Variants in CACNA1C observed in about 807,000 individuals in gnomAD.
CACNA1C encodes the protein voltage-dependent L-type calcium channel subunit alpha-1C.
A neutral mutation model predicts 229.0 loss-of-function variants in CACNA1C; 30 were observed. The observed-to-expected ratio is 0.13, with a 90% CI of 0.10 to 0.18. CACNA1C has a LOEUF of 0.18. Among genes scored for constraint, CACNA1C ranks in the 10% least tolerant of loss-of-function variants. The pLI, the probability that CACNA1C is intolerant of heterozygous loss-of-function variation, is 1.00. For synonymous variants in CACNA1C, 1,114 were observed against 1,132.5 expected, an observed-to-expected ratio of 0.98 and a Z score of 0.33; for missense variants, 1,658 against 2,845.0, an observed-to-expected ratio of 0.58 and a Z score of 9.49.
rs1594493042 is a variant in CACNA1C, at chr12:2,054,585, A to G, written c.49+974A>G. ...TTCTCCCTCACCGCTCTCCCCCCAT[A>G]TTAACAAGTTGTTTTCTTGGACGTT... On this transcript the variant is annotated intron_variant, in intron 1 of 46. Transcript: ENST00000399655. This position sits in a 1 kb window ranked among gnomAD's most constrained non-coding sequence, Gnocchi z 5.5. Among the ~76,000 whole-genome samples, 1 of 151,970 alleles carries G rather than the reference A, an allele frequency of 6.6e-6. No homozygotes were observed. The highest frequency in any genetic ancestry group is 1.5e-5 in the Non-Finnish European group (1 of 67,986).
intron 3 of CACNA1C, among the ~76,000 whole-genome samples, chr12:2,385,928 C>T (rs2098379246): frequency 6.6e-6 from 1 of 152,182 alleles, no homozygotes; most frequent in Non-Finnish European, 1.5e-5. Flanking sequence ...CCATCGCTTC[C>T]AGGAATCTTA....
intron 3 of CACNA1C, among the ~76,000 whole-genome samples, chr12:2,300,160 G>C (rs921591189): frequency 2.6e-5 from 4 of 152,230 alleles, no homozygotes; most frequent in Non-Finnish European, 5.9e-5. Context: ...GAGAGAGTTG[G>C]AGTAAGATCA....
chr12:2,093,170 G>A (rs1040979716), intron 1 of CACNA1C, among the ~76,000 whole-genome samples: 6 of 152,240 alleles, frequency 3.9e-5, no homozygotes, highest in Non-Finnish European at 8.8e-5. Flanking sequence ...CCCCTGGCAG[G>A]GCAAAGTTAC....
rs1286688665 is a variant in CACNA1C at position 2,054,195 on chromosome 12, C to T, written c.49+584C>T. ...GGGGCGGCGGTGCAGATGTGAAGCC[C>T]AGCGCGCCCCTCTGGTTCCCCCTCT... On this transcript the variant is annotated intron_variant, in intron 1 of 46. Coordinates refer to ENST00000399655, the MANE Select transcript of CACNA1C (RefSeq NM_000719.7). This position sits in a 1 kb window ranked among gnomAD's most constrained non-coding sequence, Gnocchi z 5.5. Among the ~76,000 whole-genome samples, 5 of 152,080 alleles carry T rather than the reference C, an allele frequency of 3.3e-5. No homozygotes were observed. The South Asian group carries it at 8.3e-4, about 25-fold the overall frequency.
At chr12:2,144,503 G>T (rs534935903) in intron 3 of CACNA1C, among the ~76,000 whole-genome samples, 2 of 151,380 alleles carry the variant, frequency 1.3e-5, no homozygotes, top group Non-Finnish European at 3.0e-5. Context: ...AACACACACA[G>T]TTCCTGCCTT....
In CACNA1C at chr12:1,996,641, A is replaced by C. The variant is rs866386407; in HGVS notation, c.139+25440A>C. The stretch of plus-strand genomic sequence containing the variant: ...TAAAAAAAAAAAAAAAAAAAAAAAA[A>C]AAAAAAAAAAAAAACAACAAACTCT... On this transcript the variant is annotated intron_variant, in intron 1 of 46. Transcript: ENST00000682462. Among the ~76,000 whole-genome samples the C allele has an allele frequency of 1.6e-3, 160 of 98,542 alleles. 4 individuals carry two copies. The highest frequency in any genetic ancestry group is 4.9e-3 in the African/African-American group (132 of 26,904). 64.6% of individuals were successfully genotyped at this position (98,542 alleles called of 152,430 possible).
intron 3 of CACNA1C, among the ~76,000 whole-genome samples, chr12:2,446,236 T>A (rs1334758776): frequency 6.8e-6 from 1 of 146,228 alleles, no homozygotes; most frequent in Non-Finnish European, 1.5e-5. Flanking sequence ...GATGGATGGG[T>A]AGGTGGGTGG....
At chr12:2,588,398 A>G (rs942098277) in intron 18 of CACNA1C, among the ~76,000 whole-genome samples, 6 of 152,120 alleles carry the variant, frequency 3.9e-5, no homozygotes, top group African/African-American at 1.2e-4. Context: ...GCACACTGCC[A>G]TGCTCTCCTG....
Position 2,593,238 on chromosome 12 carries a change from G to C in CACNA1C, c.2556G>C (p.Glu852Asp), listed in dbSNP as rs1432306037. 6.2e-7 allele frequency: 1 copy of C among 1,613,794 alleles called. No homozygotes were observed. The highest frequency in any genetic ancestry group is 1.7e-5 in the Admixed American group (1 of 60,008). ...GAGAAGAGGATGAGGAGGAGCCAGA[G>C]ATGCCTGTCGGCCCTCGCCCACGAC... ...TTGEEDEEEP[E>D]MPVGPRPRPL... The change falls in exon 19 of 47, where the codon GAG (glutamate) becomes GAC (aspartate). Residue 852 changes from glutamate to aspartate, a missense_variant. Physicochemically the swap from Glu to Asp is conservative, Grantham distance 45 (BLOSUM62 2). Coordinates refer to ENST00000399655, the MANE Select transcript of CACNA1C (RefSeq NM_000719.7).
chr12:2,386,819 C>T (rs556093950), intron 3 of CACNA1C, among the ~76,000 whole-genome samples: 6 of 152,314 alleles, frequency 3.9e-5, no homozygotes, highest in South Asian at 4.1e-4. Flanking sequence ...ATGCTCAGTC[C>T]GTGTTTACTG....
At chr12:2,375,413 G>A in intron 3 of CACNA1C, among the ~76,000 whole-genome samples, 1 of 152,248 alleles carries the variant, frequency 6.6e-6, no homozygotes, top group South Asian at 2.1e-4. Context: ...GCGTTTCCTG[G>A]GTCTGGCCCA....
At chr12:2,657,634 G>T (rs1242444712) in intron 34 of CACNA1C, among the ~76,000 whole-genome samples, 1 of 152,100 alleles carries the variant, frequency 6.6e-6, no homozygotes, top group Non-Finnish European at 1.5e-5. Context: ...TAAGAACAAA[G>T]ATAATAATTG....
chr12:2,606,927 C>A, intron 25 of CACNA1C, 57 bp from the exon 26 acceptor site: 1 of 1,584,100 alleles, frequency 6.3e-7, no homozygotes, highest in South Asian at 1.1e-5. Flanking sequence ...CACTGGCAGG[C>A]CAGGCGTGAA....
At chr12:2,351,297 G>A (rs1567188494) in intron 3 of CACNA1C, among the ~76,000 whole-genome samples, 1 of 152,152 alleles carries the variant, frequency 6.6e-6, no homozygotes, top group Non-Finnish European at 1.5e-5. Context: ...GGCCGAAATC[G>A]CCTGGGTTGA....
At chr12:2,502,289 T>C (rs901110886) in intron 7 of CACNA1C, among the ~76,000 whole-genome samples, 1 of 152,244 alleles carries the variant, frequency 6.6e-6, no homozygotes, top group African/African-American at 2.4e-5. Flanking sequence ...GCTGAGGACC[T>C]ACTATGTGCG....
At chr12:2,213,802 C>G (rs1335168750) in intron 3 of CACNA1C, among the ~76,000 whole-genome samples, 1 of 152,266 alleles carries the variant, frequency 6.6e-6, no homozygotes, top group Non-Finnish European at 1.5e-5. Flanking sequence ...CCCAGCTTCT[C>G]CTCTCTTCAC....
chr12:2,092,396 A>G (rs1014134030), intron 1 of CACNA1C, among the ~76,000 whole-genome samples: 9 of 152,210 alleles, frequency 5.9e-5, no homozygotes, highest in Non-Finnish European at 1.3e-4. Context: ...CAGATGGAAG[A>G]TGTGTCTCCT....
At chr12:2,249,951 G>A (rs2074975898) in intron 3 of CACNA1C, among the ~76,000 whole-genome samples, 1 of 152,116 alleles carries the variant, frequency 6.6e-6, no homozygotes, top group Admixed American at 6.5e-5. Flanking sequence ...TGAGACTACA[G>A]GCGCCCGCCA....
intron 1 of CACNA1C, among the ~76,000 whole-genome samples, chr12:2,023,512 C>T (rs952822691): frequency 6.6e-6 from 1 of 152,180 alleles, no homozygotes; most frequent in Non-Finnish European, 1.5e-5. Flanking sequence ...CTTCCACCTG[C>T]CGAGTGAGAA....
Sources: allele counts gnomAD v4.1 joint callset (sites outside exome capture counted in the v4.1 genomes callset), GRCh38; gene constraint gnomAD v4.1.1; non-coding constraint Gnocchi (gnomAD v3.1); transcripts MANE v1.5; gene names NCBI Gene and HGNC (gene_info 2026-07-23, HGNC 2026-07-21).